The following NYAP2 variants were observed in gnomAD, a reference collection of about 807,000 sequenced individuals.
NYAP2 encodes the protein neuronal tyrosine-phosphorylated phosphoinositide-3-kinase adapter 2.
In NYAP2, 23 loss-of-function variants were observed where a neutral mutation model predicts 50.4. The observed-to-expected ratio is 0.46, with a 90% confidence interval of 0.33 to 0.65. NYAP2 has a LOEUF of 0.65. Ranked by LOEUF, NYAP2 falls within the 30% of genes least tolerant of loss-of-function variation. The pLI is 0.02. For synonymous variants in NYAP2, 394 were observed against 365.2 expected (o/e 1.08, Z -0.90); for missense variants, 885 against 861.0 (o/e 1.03, Z -0.35).
intron 3 of NYAP2, among the ~76,000 whole-genome samples, chr2:225,430,707 A>G (rs1308701314): frequency 9.6e-6 from 1 of 104,050 alleles, no homozygotes; most frequent in Non-Finnish European, 1.9e-5. Context: ...TGCCCTAACT[A>G]GAATGCTATT....
In NYAP2 at chr2:225,611,860, A is replaced by G. The variant is rs141330873; in HGVS notation, c.1619-15057A>G. Among the ~76,000 whole-genome samples, 333 of 147,152 alleles carry G rather than the reference A, an allele frequency of 2.3e-3. 8 individuals carry two copies. The East Asian group carries it at 0.057, about 25-fold the overall frequency. On this transcript the variant is annotated intron_variant, in intron 5 of 6. Transcript: ENST00000636099. ...GGTTGAACATAATAAGTATATATAT[A>G]GAGAGAGATATATATATGTATATAT...
At chr2:225,568,359 T>C (rs1692000012) in intron 4 of NYAP2, among the ~76,000 whole-genome samples, 1 of 152,170 alleles carries the variant, frequency 6.6e-6, no homozygotes, top group African/African-American at 2.4e-5. Flanking sequence ...ATGTTGAGTA[T>C]TCCTTCACTG....
At chr2:225,551,802 T>C (rs1235932098) in intron 4 of NYAP2, among the ~76,000 whole-genome samples, 1 of 152,222 alleles carries the variant, frequency 6.6e-6, no homozygotes, top group Non-Finnish European at 1.5e-5. Context: ...TCTTCCATTA[T>C]GTGGGCATTA....
At chr2:225,633,679 T>C (rs961988899) in intron 6 of NYAP2, among the ~76,000 whole-genome samples, 16 of 152,154 alleles carry the variant, frequency 1.1e-4, no homozygotes, top group African/African-American at 3.9e-4. Context: ...ATGATGGAAA[T>C]GCAGGTGACC....
chr2:225,627,889 G>A (rs1220225011), intron 6 of NYAP2, among the ~76,000 whole-genome samples: 2 of 152,158 alleles, frequency 1.3e-5, no homozygotes, highest in Non-Finnish European at 1.5e-5. Flanking sequence ...GTAGTTTCAG[G>A]TTTCTATTTC....
intron 3 of NYAP2, among the ~76,000 whole-genome samples, chr2:225,499,433 C>T (rs1690564488): frequency 6.6e-6 from 1 of 151,964 alleles, no homozygotes; most frequent in Non-Finnish European, 1.5e-5. Context: ...CTGCCTCAGC[C>T]TCCCGAGTAG....
intron 4 of NYAP2, among the ~76,000 whole-genome samples, chr2:225,534,424 C>T (rs2106199187): frequency 6.6e-6 from 1 of 152,338 alleles, no homozygotes; most frequent in South Asian, 2.1e-4. Context: ...CATTATTCTA[C>T]AAGTCGCAGA....
chr2:225,582,677 G>A lies in NYAP2; in HGVS notation c.1260G>A (p.Leu420=), dbSNP rs774804783. The change falls in exon 5 of 7, where the codon CTG becomes CTA. Residue 420 remains leucine, a synonymous_variant. Transcript: ENST00000636099. The surrounding 1 kb of genome is among the most constrained non-coding windows in gnomAD (Gnocchi z 7.0). ...CGTCGCCCCCACCCCCGTCTACGCT[G>A]TACCGAACCCAGTCTCCCCATGGCT... is the stretch of plus-strand genomic sequence containing the variant. 6.2e-7 allele frequency: 1 copy of A among 1,601,194 alleles called. No individual in the cohort carries two copies. The highest frequency in any genetic ancestry group is 8.5e-7 in the Non-Finnish European group (1 of 1,172,900).
At chr2:225,657,557 C>A (rs185244806), downstream of NYAP2, among the ~76,000 whole-genome samples, 2 of 143,174 alleles carry the variant, frequency 1.4e-5, no homozygotes, top group Admixed American at 7.1e-5. Flanking sequence ...TATGGGAAAT[C>A]TCTTTCAATT....
chr2:225,626,798 A>C, intron 5 of NYAP2, 119 bp from the exon 6 acceptor site: 1 of 752,644 alleles, frequency 1.3e-6, no homozygotes, highest in Non-Finnish European at 2.2e-6. Context: ...TGTAGTCTCC[A>C]AGTCTGAGTT....
rs1356963136 is a variant in NYAP2, at chr2:225,582,686, C to A, written c.1269C>A (p.Thr423=). 1.2e-6 allele frequency: 2 copies of A among 1,603,240 alleles called. No individual in the cohort carries two copies. The highest frequency in any genetic ancestry group is 1.3e-5 in the African/African-American group (1 of 74,678). Residue 423 remains threonine (T), a synonymous_variant, in exon 5 of 7, where the codon ACC becomes ACA. Transcript: ENST00000636099. The surrounding 1 kb of genome is among the most constrained non-coding windows in gnomAD (Gnocchi z 7.0). ...CACCCCCGTCTACGCTGTACCGAAC[C>A]CAGTCTCCCCATGGCTACCCTAAAA...
intron 3 of NYAP2, among the ~76,000 whole-genome samples, chr2:225,506,651 A>G (rs1559198670): frequency 6.6e-6 from 1 of 152,234 alleles, no homozygotes; most frequent in Admixed American, 6.5e-5. Flanking sequence ...AGAAGGCAAC[A>G]GGGAGGCAGC....
intron 4 of NYAP2, among the ~76,000 whole-genome samples, chr2:225,516,503 T>A (rs550344549): frequency 6.2e-4 from 94 of 152,242 alleles, no homozygotes; most frequent in African/African-American, 2.2e-3. Context: ...TAGACTCCCA[T>A]AGAGAAGTGA....
At chr2:225,512,362 G>A (rs1440159977) in intron 3 of NYAP2, among the ~76,000 whole-genome samples, 1 of 152,162 alleles carries the variant, frequency 6.6e-6, no homozygotes, top group Non-Finnish European at 1.5e-5. Flanking sequence ...TTTATTTTGT[G>A]TGTCTGATTT....
intron 4 of NYAP2, among the ~76,000 whole-genome samples, chr2:225,515,841 T>C (rs1690921645): frequency 6.6e-6 from 1 of 152,096 alleles, no homozygotes; most frequent in African/African-American, 2.4e-5. Flanking sequence ...AAGAAAGTGA[T>C]CACTGAAAGA....
At chr2:225,425,342 T>C (rs1038065941) in intron 3 of NYAP2, among the ~76,000 whole-genome samples, 1 of 152,240 alleles carries the variant, frequency 6.6e-6, no homozygotes, top group Non-Finnish European at 1.5e-5. Context: ...GATCTATTGA[T>C]GTTTTGATGG....
chr2:225,538,099 C>T (rs1036044224), intron 4 of NYAP2, among the ~76,000 whole-genome samples: 5 of 152,172 alleles, frequency 3.3e-5, no homozygotes, highest in Admixed American at 3.3e-4. Context: ...GTACAGCCTC[C>T]CTCCTGGCTG....
intron 3 of NYAP2, among the ~76,000 whole-genome samples, chr2:225,461,542 ACCT>A (rs1689832308): frequency 6.6e-6 from 1 of 151,810 alleles, no homozygotes; most frequent in African/African-American, 2.4e-5. Flanking sequence ...ACGGAGGTAG[ACCT>A]CCTTGTAACT....
the NYAP2 span, chr2:225,698,307 T>C: frequency 6.6e-6 from 1 of 152,396 alleles, no homozygotes. Context: ...CACTCTTTCT[T>C]TTTTGCTAGG....
Sources: allele counts gnomAD v4.1 joint callset (sites outside exome capture counted in the v4.1 genomes callset), GRCh38; gene constraint gnomAD v4.1.1; non-coding constraint Gnocchi (gnomAD v3.1); transcripts MANE v1.5; gene names NCBI Gene and HGNC (gene_info 2026-07-23, HGNC 2026-07-21).